Variants in RBFOX1 observed in about 807,000 individuals in gnomAD.
The protein encoded by RBFOX1 is RNA binding protein fox-1 homolog 1.
RBFOX1 carries 8 observed loss-of-function variants against 57.7 expected under a neutral mutation model. That is an observed-to-expected ratio of 0.14 (90% CI 0.08 to 0.25). The LOEUF (loss-of-function observed/expected upper bound fraction) is 0.25, where lower values mean the gene tolerates loss of function less well. RBFOX1 is among the 10% of genes least tolerant of loss of function. RBFOX1 has a pLI of 1.00. For synonymous variants in RBFOX1, 326 were observed against 222.4 expected (o/e 1.47, Z -4.15); for missense variants, 611 against 548.5 (o/e 1.11, Z -1.14).
chr16:5,472,389 C>A (rs3859163), intron 2 of RBFOX1, among the ~76,000 whole-genome samples: 1 of 151,916 alleles, frequency 6.6e-6, no homozygotes, highest in Admixed American at 6.6e-5. Flanking sequence ...ATTATTAAAC[C>A]CATTTGCAGC....
At chr16:6,444,631 AC>A (rs1331679876) in intron 2 of RBFOX1, among the ~76,000 whole-genome samples, 2 of 150,474 alleles carry the variant, frequency 1.3e-5, no homozygotes, top group Non-Finnish European at 3.0e-5. Context: ...AGTCCATTAA[AC>A]CTTTTTTTTT....
chr16:5,828,835 G>A (rs1420696437), intron 3 of RBFOX1, among the ~76,000 whole-genome samples: 2 of 152,168 alleles, frequency 1.3e-5, no homozygotes, highest in Admixed American at 6.5e-5. Flanking sequence ...GTGGCTGGAT[G>A]CATTAGTAAT....
At chr16:5,355,743 A>T (rs1194070326) in intron 1 of RBFOX1, among the ~76,000 whole-genome samples, 1 of 152,182 alleles carries the variant, frequency 6.6e-6, no homozygotes, top group Admixed American at 6.5e-5. Flanking sequence ...GAGTCACAGG[A>T]TGAGATGGTC....
At chr16:6,879,440 A>G (rs2062473533) in intron 3 of RBFOX1, among the ~76,000 whole-genome samples, 1 of 152,104 alleles carries the variant, frequency 6.6e-6, no homozygotes, top group Non-Finnish European at 1.5e-5. Context: ...TACTTTAAAA[A>G]CTGTTCTTTC....
intron 2 of RBFOX1, among the ~76,000 whole-genome samples, chr16:6,597,402 G>A (rs947480635): frequency 6.6e-6 from 1 of 152,006 alleles, no homozygotes; most frequent in Non-Finnish European, 1.5e-5. Flanking sequence ...AACCAGGCGC[G>A]GTGGCTCACA....
In RBFOX1 at chr16:6,936,864, C is replaced by G. The variant is rs116147941; in HGVS notation, c.-15-115193C>G. 8.4e-3 allele frequency among the ~76,000 whole-genome samples: 1,220 copies of G among 146,008 alleles called. 24 individuals are homozygous for G. The highest frequency in any genetic ancestry group is 0.03 in the African/African-American group (1,180 of 39,386). The stretch of plus-strand genomic sequence containing the variant: ...AAAACAGTGTATTTTAAAAGCTGCT[C>G]TCTGAAATTTTTAAGATCCATCAGC... On this transcript the variant is annotated intron_variant, in intron 3 of 15. Coordinates refer to ENST00000550418, the MANE Select transcript of RBFOX1 (RefSeq NM_018723.4).
chr16:6,263,707 G>A (rs1217856606), intron 1 of RBFOX1, among the ~76,000 whole-genome samples: 1 of 151,638 alleles, frequency 6.6e-6, no homozygotes, highest in African/African-American at 2.4e-5. Flanking sequence ...GTAAATTGAG[G>A]AATTTTCTTT....
intron 3 of RBFOX1, among the ~76,000 whole-genome samples, chr16:5,830,724 T>G (rs2056235013): frequency 6.6e-6 from 1 of 152,210 alleles, no homozygotes. Flanking sequence ...AACACTGCCA[T>G]CTTTGCCACC....
At chr16:5,309,391 T>G (rs752682317) in intron 1 of RBFOX1, among the ~76,000 whole-genome samples, 90 of 152,326 alleles carry the variant, frequency 5.9e-4, no homozygotes, top group Non-Finnish European at 1.1e-3. Flanking sequence ...TAGGTAGAAC[T>G]TAGTGGTTAT....
chr16:5,685,901 G>A (rs1247408478), intron 3 of RBFOX1, among the ~76,000 whole-genome samples: 1 of 152,146 alleles, frequency 6.6e-6, no homozygotes, highest in East Asian at 1.9e-4. Context: ...GTTCATTGCA[G>A]CAATGTTTGT....
chr16:6,410,670 A>G (rs2093431112), intron 2 of RBFOX1, among the ~76,000 whole-genome samples: 3 of 152,106 alleles, frequency 2.0e-5, no homozygotes, highest in Non-Finnish European at 4.4e-5. Flanking sequence ...AAGCACACTG[A>G]TGTTGCTGCC....
intron 1 of RBFOX1, among the ~76,000 whole-genome samples, chr16:5,389,568 G>A (rs971923118): frequency 1.2e-4 from 19 of 152,124 alleles, no homozygotes; most frequent in Admixed American, 2.6e-4. Context: ...ATCATTGGGG[G>A]CATCCTTTGG....
At chr16:5,520,377 C>T (rs1335138526) in intron 2 of RBFOX1, among the ~76,000 whole-genome samples, 1 of 152,188 alleles carries the variant, frequency 6.6e-6, no homozygotes, top group Non-Finnish European at 1.5e-5. Context: ...AATCAAGAGG[C>T]AGAGTGGTAC....
chr16:6,449,685 G>A (rs1433936319), intron 2 of RBFOX1, among the ~76,000 whole-genome samples: 1 of 152,130 alleles, frequency 6.6e-6, no homozygotes, highest in African/African-American at 2.4e-5. Flanking sequence ...CTCTAACGTT[G>A]CATTCTGGAG....
chr16:6,778,765 T>A (rs1279005884), intron 3 of RBFOX1, among the ~76,000 whole-genome samples: 2 of 152,096 alleles, frequency 1.3e-5, no homozygotes, highest in Non-Finnish European at 2.9e-5. Context: ...TGAATTTTCT[T>A]GTTTATCGCA....
chr16:7,055,045 C>T (rs535181680), intron 4 of RBFOX1, among the ~76,000 whole-genome samples: 7 of 152,098 alleles, frequency 4.6e-5, no homozygotes, highest in East Asian at 1.9e-4. Context: ...CCAAAACAGA[C>T]ACTGTGAAGT....
intron 4 of RBFOX1, among the ~76,000 whole-genome samples, chr16:5,989,843 AACACACACACACACACACACAC>A (rs199624083): frequency 9.6e-5 from 2 of 20,750 alleles, no homozygotes; most frequent in South Asian, 3.2e-3. Context: ...AACACCCCCT[AACACACACACACACACACACAC>A]ACACACACAC....
intron 1 of RBFOX1, among the ~76,000 whole-genome samples, chr16:6,196,366 A>G (rs1221098637): frequency 1.3e-5 from 2 of 152,214 alleles, no homozygotes; most frequent in African/African-American, 4.8e-5. Flanking sequence ...CAGTTTCATC[A>G]TCTATGAAAT....
chr16:5,967,743 C>A (rs752088368), intron 4 of RBFOX1, among the ~76,000 whole-genome samples: 6 of 152,112 alleles, frequency 3.9e-5, no homozygotes, highest in Non-Finnish European at 7.4e-5. Context: ...TTAGGATATT[C>A]CCAAATTATG....
Sources: allele counts gnomAD v4.1 joint callset (sites outside exome capture counted in the v4.1 genomes callset), GRCh38; gene constraint gnomAD v4.1.1; transcripts MANE v1.5; gene names NCBI Gene and HGNC (gene_info 2026-07-23, HGNC 2026-07-21).